The following OR2L13 variants were observed in gnomAD, a reference collection of about 807,000 sequenced individuals.
OR2L13 encodes olfactory receptor 2L13.
A neutral mutation model predicts 15.3 loss-of-function variants in OR2L13; 14 were observed. The ratio of observed to expected loss-of-function variants is 0.91; its 90% CI spans 0.60 to 1.43. The LOEUF is 1.43. OR2L13 is among the 40% of genes most tolerant of loss of function. OR2L13 has a pLI of 0.00. For missense variants in OR2L13, 367 were observed against 387.9 expected, an observed-to-expected ratio of 0.95 and a Z score of 0.45; for synonymous variants, 152 against 142.9, an observed-to-expected ratio of 1.06 and a Z score of -0.45.
At chr1:247,955,315 A>G in the OR2L13 span, among the ~76,000 whole-genome samples, 1 of 151,964 alleles carries the variant, frequency 6.6e-6, no homozygotes, top group African/African-American at 2.4e-5. Flanking sequence ...TCCATGGTGT[A>G]TATGTGCCAC....
chr1:248,070,653 C>T, the OR2L13 span, among the ~76,000 whole-genome samples: 3 of 151,896 alleles, frequency 2.0e-5, no homozygotes, highest in Non-Finnish European at 4.4e-5. Flanking sequence ...AATAGAGACA[C>T]AAAAAACCCT....
At chr1:248,073,392 C>G in the OR2L13 span, among the ~76,000 whole-genome samples, 1 of 151,732 alleles carries the variant, frequency 6.6e-6, no homozygotes. Context: ...AACCAAATAC[C>G]ACATGTTCTC....
the OR2L13 span, chr1:248,041,286 T>G: frequency 1.3e-5 from 2 of 152,102 alleles, no homozygotes; most frequent in African/African-American, 4.8e-5. Flanking sequence ...TAAATGGTGC[T>G]GGGAAAACTG....
the OR2L13 span, among the ~76,000 whole-genome samples, chr1:247,953,435 C>T: frequency 1.3e-5 from 2 of 152,056 alleles, no homozygotes; most frequent in Non-Finnish European, 2.9e-5. Flanking sequence ...TTATGTATTA[C>T]ATTAGCAAAA....
the OR2L13 span, among the ~76,000 whole-genome samples, chr1:247,944,387 T>C: frequency 6.6e-6 from 1 of 152,144 alleles, no homozygotes; most frequent in Non-Finnish European, 1.5e-5. Flanking sequence ...GGTGGTTTGC[T>C]GCTTTTATCA....
the OR2L13 span, among the ~76,000 whole-genome samples, chr1:247,988,107 G>C: frequency 6.6e-6 from 1 of 151,828 alleles, no homozygotes; most frequent in Non-Finnish European, 1.5e-5. Flanking sequence ...TGCCATTTGA[G>C]TATGGTGGCT....
At chr1:248,082,137 A>T in the OR2L13 span, among the ~76,000 whole-genome samples, 1 of 145,656 alleles carries the variant, frequency 6.9e-6, no homozygotes, top group Non-Finnish European at 1.5e-5. Context: ...TGTGGCATAT[A>T]TACACCATGG....
chr1:248,092,130 T>G (rs1664610720), upstream of OR2L13, among the ~76,000 whole-genome samples: 1 of 152,212 alleles, frequency 6.6e-6, no homozygotes, highest in African/African-American at 2.4e-5. Context: ...TGATTTTGTA[T>G]GCTGAAACTT....
chr1:247,989,958 C>T, the OR2L13 span, among the ~76,000 whole-genome samples: 5,900 of 152,118 alleles, frequency 0.039, 353 homozygotes, highest in African/African-American at 0.13. Flanking sequence ...GAAAAATAAA[C>T]ACCGTTCAAT....
chr1:248,026,362 C>T, the OR2L13 span, among the ~76,000 whole-genome samples: 1 of 152,202 alleles, frequency 6.6e-6, no homozygotes, highest in Non-Finnish European at 1.5e-5. Flanking sequence ...CTTAGAAGGT[C>T]ATTCAAAGGT....
chr1:248,046,746 G>A, the OR2L13 span: 1 of 152,120 alleles, frequency 6.6e-6, no homozygotes, highest in East Asian at 1.9e-4. Flanking sequence ...GGAGGTCTCT[G>A]AAATCTCACA....
chr1:248,067,472 A>G, the OR2L13 span, among the ~76,000 whole-genome samples: 1 of 152,228 alleles, frequency 6.6e-6, no homozygotes, highest in African/African-American at 2.4e-5. Flanking sequence ...TTCTTTTTGT[A>G]GATTAATTTT....
chr1:248,016,432 C>A, the OR2L13 span, among the ~76,000 whole-genome samples: 11 of 151,774 alleles, frequency 7.2e-5, no homozygotes, highest in South Asian at 4.2e-4. Context: ...TGATTGTTGC[C>A]TGGTCAAGGA....
chr1:247,986,051 C>G, the OR2L13 span, among the ~76,000 whole-genome samples: 7 of 152,240 alleles, frequency 4.6e-5, no homozygotes, highest in South Asian at 2.1e-4. Flanking sequence ...TTCTCCCATT[C>G]CGTAAGTTGC....
At chr1:247,975,510 C>G in the OR2L13 span, 2 of 994,214 alleles carry the variant, frequency 2.0e-6, no homozygotes, top group Admixed American at 1.7e-5. Flanking sequence ...ATCCAAGATA[C>G]CTGCAATCTC....
the OR2L13 span, among the ~76,000 whole-genome samples, chr1:248,065,967 G>A: frequency 6.6e-6 from 1 of 152,100 alleles, no homozygotes; most frequent in South Asian, 2.1e-4. Flanking sequence ...TACCCTCTCT[G>A]TATCAGAATA....
the OR2L13 span, among the ~76,000 whole-genome samples, chr1:248,028,127 C>G: frequency 9.0e-6 from 1 of 110,674 alleles, no homozygotes; most frequent in African/African-American, 3.7e-5. Flanking sequence ...AGCGACAGAG[C>G]GAGATTCCGT....
the OR2L13 span, chr1:248,084,431 C>T: frequency 5.4e-5 from 87 of 1,597,776 alleles, no homozygotes; most frequent in East Asian, 1.1e-3. Flanking sequence ...AGTACATGGG[C>T]GTGTGGAGCC....
At chr1:247,939,482 G>T in the OR2L13 span, 3 of 152,112 alleles carry the variant, frequency 2.0e-5, no homozygotes, top group Admixed American at 6.5e-5. Flanking sequence ...CACATTTCAG[G>T]CCAGGTTAAG....
Sources: gnomAD v4.1 joint callset for allele counts (sites outside exome capture counted in the v4.1 genomes callset) on GRCh38, gnomAD v4.1.1 for gene constraint, MANE v1.5 for transcripts, NCBI Gene and HGNC (gene_info 2026-07-23, HGNC 2026-07-21) for gene names.